PSMG2: variants seen among roughly 807,000 people sequenced by gnomAD.
PSMG2 encodes CD40 ligand-activated specific transcript 3.
Under a neutral mutation model 31.5 loss-of-function variants are expected in PSMG2, and 21 were observed. The ratio of observed to expected loss-of-function variants is 0.67; its 90% CI spans 0.47 to 0.96. The LOEUF (loss-of-function observed/expected upper bound fraction) is 0.96. Ranked by LOEUF, PSMG2 falls within the 40% of genes least tolerant of loss-of-function variation. The pLI is 0.00. For synonymous variants in PSMG2, 120 were observed against 110.4 expected (o/e 1.09, Z -0.54); for missense variants, 318 against 321.2 (o/e 0.99, Z 0.08).
At chr18:12,702,801 C>A, upstream of PSMG2, 2 of 566,496 alleles carry the variant, frequency 3.5e-6, no homozygotes, top group Non-Finnish European at 6.1e-6. Context: ...CCGCACGCTG[C>A]CTGATCGTTT....
At chr18:12,710,441 C>T (rs1367429298) in intron 2 of PSMG2, among the ~76,000 whole-genome samples, 1 of 152,176 alleles carries the variant, frequency 6.6e-6, no homozygotes, top group East Asian at 1.9e-4. Context: ...AAAATGTTTT[C>T]GTAAGTACAC....
chr18:12,697,569 A>G (rs1178710399), intron 1 of PSMG2, among the ~76,000 whole-genome samples: 1 of 152,270 alleles, frequency 6.6e-6, no homozygotes, highest in Non-Finnish European at 1.5e-5. Context: ...AAATACAAGT[A>G]CAGTCCTATT....
At chr18:12,711,375 T>TA (rs1161977653) in intron 2 of PSMG2, among the ~76,000 whole-genome samples, 2 of 152,182 alleles carry the variant, frequency 1.3e-5, no homozygotes, top group Non-Finnish European at 2.9e-5. Context: ...CCCCTACAGA[T>TA]ACATTCTTTT....
At chr18:12,669,098 G>A (rs530632436) in intron 1 of PSMG2, among the ~76,000 whole-genome samples, 20 of 129,220 alleles carry the variant, frequency 1.5e-4, no homozygotes, top group African/African-American at 5.6e-4. Flanking sequence ...GAGTGCAGTG[G>A]TGTGATCTCA....
intron 1 of PSMG2, among the ~76,000 whole-genome samples, chr18:12,694,868 G>A (rs1280880544): frequency 6.6e-6 from 1 of 151,490 alleles, no homozygotes; most frequent in East Asian, 1.9e-4. Context: ...CTGCCACCAC[G>A]CCCGGCTATT....
intron 1 of PSMG2, among the ~76,000 whole-genome samples, chr18:12,675,400 AAAAT>A (rs558595811): frequency 6.2e-4 from 95 of 152,220 alleles, no homozygotes; most frequent in African/African-American, 2.1e-3. Flanking sequence ...TGTCTCAAAA[AAAAT>A]AAATAAATAA....
intron 1 of PSMG2, among the ~76,000 whole-genome samples, chr18:12,684,039 T>A (rs1472489220): frequency 6.6e-6 from 1 of 151,046 alleles, no homozygotes; most frequent in African/African-American, 2.4e-5. Context: ...ATGTATTTTT[T>A]TTTGAGACAG....
intron 5 of PSMG2, among the ~76,000 whole-genome samples, chr18:12,722,300 A>C (rs1400077044): frequency 6.6e-6 from 1 of 152,156 alleles, no homozygotes; most frequent in East Asian, 1.9e-4. Context: ...TCCCTAAGAG[A>C]AGGCAAATTT....
intron 3 of PSMG2, among the ~76,000 whole-genome samples, chr18:12,716,839 C>T (rs1282148705): frequency 6.6e-6 from 1 of 151,852 alleles, no homozygotes; most frequent in African/African-American, 2.4e-5. Flanking sequence ...TCAAAGGAAA[C>T]ACTGAAGTAC....
At chr18:12,711,131 G>A (rs1212956998) in intron 2 of PSMG2, among the ~76,000 whole-genome samples, 4 of 151,990 alleles carry the variant, frequency 2.6e-5, no homozygotes, top group African/African-American at 7.3e-5. Flanking sequence ...AATTAGCCAG[G>A]CGTGGTGGTG....
chr18:12,720,641 G>A lies in PSMG2; in HGVS notation c.539G>A (p.Arg180His), dbSNP rs76809309. The A allele has an allele frequency of 1.8e-4, 297 of 1,613,214 alleles. 1 individual carries two copies. In the East Asian group the frequency reaches 4.6e-3, roughly 25 times the overall value. ...ATAGATGATTCCGAGTTTTGTATCC[G>A]CATTCCGGGAGGAGGTATCACAAAA... Reference protein sequence around the residue: ...PEIDDSEFCIRIPGGGITKTL... With the variant: ...PEIDDSEFCIHIPGGGITKTL... Residue 180 changes from arginine to histidine, a missense_variant, in exon 5 of 7, where the codon CGC (arginine) becomes CAC (histidine). Coordinates refer to ENST00000317615, the MANE Select transcript of PSMG2 (RefSeq NM_020232.5).
chr18:12,724,755 T>G, intron 6 of PSMG2, 136 bp downstream of exon 6: 1 of 1,020,712 alleles, frequency 9.8e-7, no homozygotes, highest in Non-Finnish European at 1.3e-6. Context: ...AAATTTAGTT[T>G]AAGCTGAACT....
intron 1 of PSMG2, among the ~76,000 whole-genome samples, chr18:12,671,637 AC>A (rs2038945846): frequency 2.5e-5 from 3 of 121,904 alleles, no homozygotes; most frequent in Non-Finnish European, 5.1e-5. Context: ...CAGGTTTCAC[AC>A]TTTCTTTTTT....
At chr18:12,671,642 CTTTTTTTTTTTTTT>C (rs869130220) in intron 1 of PSMG2, among the ~76,000 whole-genome samples, 2 of 55,544 alleles carry the variant, frequency 3.6e-5, no homozygotes, top group Non-Finnish European at 7.2e-5. Flanking sequence ...TTCACACTTT[CTTTTTTTTTTTTTT>C]TTTTTTTTTT....
intron 1 of PSMG2, chr18:12,679,154 G>A (rs1221131552): frequency 6.6e-6 from 1 of 152,052 alleles, no homozygotes; most frequent in East Asian, 1.9e-4. Flanking sequence ...AGAACAGCCA[G>A]AGAGGAATAA....
intron 5 of PSMG2, among the ~76,000 whole-genome samples, chr18:12,722,303 G>A (rs931451748): frequency 2.1e-4 from 32 of 152,118 alleles, no homozygotes; most frequent in African/African-American, 7.7e-4. Context: ...CTAAGAGAAG[G>A]CAAATTTTAA....
At chr18:12,702,143 A>G (rs1164496297), upstream of PSMG2, among the ~76,000 whole-genome samples, 7 of 152,150 alleles carry the variant, frequency 4.6e-5, no homozygotes, top group African/African-American at 7.2e-5. Context: ...AAAAAACCTG[A>G]TATCTTACAG....
rs535377797 is a variant in PSMG2, at chr18:12,717,070, C to T, written c.289-1447C>T. Among the ~76,000 whole-genome samples the T allele has an allele frequency of 4.6e-5, 7 of 151,482 alleles. No homozygotes were observed. The East Asian group carries it at 1.2e-3, about 25-fold the overall frequency. On this transcript the variant is annotated intron_variant, in intron 3 of 6. Transcript: ENST00000317615. ...GCTCAAATGATCCTCCCACCTCAGC[C>T]TCCTGAGTACCTGGGGCTACAGACG...
At chr18:12,691,185 G>A (rs1490262356) in intron 1 of PSMG2, 1 of 441,214 alleles carries the variant, frequency 2.3e-6, no homozygotes, top group Non-Finnish European at 3.9e-6. Context: ...GACATAGATT[G>A]ATCTTGCCAC....
Sources: gnomAD v4.1 joint callset for allele counts (sites outside exome capture counted in the v4.1 genomes callset) on GRCh38, gnomAD v4.1.1 for gene constraint, MANE v1.5 for transcripts, NCBI Gene and HGNC (gene_info 2026-07-23, HGNC 2026-07-21) for gene names.